Variants in TBC1D32 observed in about 807,000 individuals in gnomAD.
TBC1D32 encodes the protein protein broad-minded.
In TBC1D32, 151 loss-of-function variants were observed where a neutral mutation model predicts 170.3. The ratio of observed to expected loss-of-function variants is 0.89; its 90% CI spans 0.78 to 1.01. The LOEUF (loss-of-function observed/expected upper bound fraction) is 1.01. Ranked by LOEUF, TBC1D32 falls within the 50% of genes least tolerant of loss-of-function variation. The probability of loss-of-function intolerance (pLI) is 0.00; values close to 1 mark genes in which losing one functional copy is unlikely to be tolerated. For synonymous variants in TBC1D32, 498 were observed against 488.0 expected (o/e 1.02, Z -0.27); for missense variants, 1,464 against 1,457.1 (o/e 1.00, Z -0.08).
intron 5 of TBC1D32, among the ~76,000 whole-genome samples, 166 bp downstream of exon 5, chr6:121,307,810 C>T (rs116432565): frequency 0.033 from 4,991 of 151,822 alleles, 196 homozygotes; most frequent in East Asian, 0.12. Flanking sequence ...TAAAGTGAGC[C>T]AAGGTAGTAC....
chr6:121,132,368 T>C (rs1022160529), intron 24 of TBC1D32, among the ~76,000 whole-genome samples: 2 of 151,978 alleles, frequency 1.3e-5, no homozygotes, highest in African/African-American at 4.8e-5. Flanking sequence ...ACACTCTCTA[T>C]ACTAGAAGAA....
intron 21 of TBC1D32, among the ~76,000 whole-genome samples, chr6:121,214,033 G>T (rs1309255636): frequency 6.6e-6 from 1 of 152,160 alleles, no homozygotes; most frequent in Non-Finnish European, 1.5e-5. Flanking sequence ...AAGCAATGAG[G>T]AAAGAACTCC....
At chr6:121,318,326 G>C (rs17083405) in intron 2 of TBC1D32, among the ~76,000 whole-genome samples, 7,870 of 152,106 alleles carry the variant, frequency 0.052, 403 homozygotes, top group East Asian at 0.12. Flanking sequence ...ATCTCAAAAA[G>C]AACTGGTATC....
chr6:121,145,220 A>G (rs1325418104), intron 24 of TBC1D32, among the ~76,000 whole-genome samples: 2 of 152,202 alleles, frequency 1.3e-5, no homozygotes, highest in Middle Eastern at 6.3e-3. Context: ...GCTTGTTGGC[A>G]TATCAAAAAG....
At chr6:121,255,528 T>TATAATTATATTTTATA (rs1583421638) in intron 16 of TBC1D32, 118 bp from the exon 17 acceptor site, 67 of 247,644 alleles carry the variant, frequency 2.7e-4, no homozygotes, top group East Asian at 9.8e-4. Flanking sequence ...ATTTTATATT[T>TATAATTATATTTTATA]CTTACTGATA....
intron 20 of TBC1D32, among the ~76,000 whole-genome samples, chr6:121,235,522 A>G (rs1294060371): frequency 6.6e-6 from 1 of 152,132 alleles, no homozygotes; most frequent in African/African-American, 2.4e-5. Flanking sequence ...ATCACCAGGC[A>G]AGTGAGGAAA....
intron 22 of TBC1D32, among the ~76,000 whole-genome samples, chr6:121,187,238 C>A (rs1255405530): frequency 1.3e-5 from 2 of 152,006 alleles, no homozygotes; most frequent in Non-Finnish European, 2.9e-5. Flanking sequence ...AAGGCAAAAC[C>A]CTCCAATGTT....
In TBC1D32 at chr6:121,106,136, A is replaced by G. The variant is rs2128191265; in HGVS notation, c.3352T>C (p.Ser1118Pro). ...SSYLPNDTVE[S>P]GIHPVYFCST... ...CAAAAATATACTGGATGGATGCCAG[A>G]TTCTACAGTGTCATTAGGAAGGTAA... Residue 1118 changes from serine to proline, a missense_variant, in exon 30 of 32, where the codon TCT becomes CCT. Ser to Pro is a moderately conservative substitution (Grantham distance 74). Around this residue, in one of 3 missense-constraint regions of TBC1D32, gnomAD observed 1,363 missense variants for 1,338.1 expected, o/e 1.02. Transcript: ENST00000398212. The G allele has an allele frequency of 6.3e-7, 1 of 1,579,910 alleles. No individual in the cohort carries two copies. The highest frequency in any genetic ancestry group is 1.3e-5 in the African/African-American group (1 of 74,600).
At chr6:121,261,357 A>C (rs1341623570) in intron 15 of TBC1D32, among the ~76,000 whole-genome samples, 1 of 152,196 alleles carries the variant, frequency 6.6e-6, no homozygotes, top group Non-Finnish European at 1.5e-5. Context: ...CACCCTACAC[A>C]GGAGCGTTCC....
intron 10 of TBC1D32, among the ~76,000 whole-genome samples, chr6:121,295,973 T>C (rs1805568084): frequency 6.6e-6 from 1 of 152,146 alleles, no homozygotes; most frequent in South Asian, 2.1e-4. Context: ...ATGTGGTTTA[T>C]GAGGAATACC....
At chr6:121,190,078 ACACACACACACACACACACAC>A (rs1789758264) in intron 22 of TBC1D32, among the ~76,000 whole-genome samples, 3 of 28,172 alleles carry the variant, frequency 1.1e-4, no homozygotes, top group African/African-American at 2.8e-4. Flanking sequence ...ATACAGACAC[ACACACACACACACACACACAC>A]ACACACACAC....
intron 21 of TBC1D32, among the ~76,000 whole-genome samples, chr6:121,207,662 T>C (rs1792452765): frequency 6.6e-6 from 1 of 152,096 alleles, no homozygotes; most frequent in Admixed American, 6.5e-5. Flanking sequence ...AGCAACAAAC[T>C]AGTGCAAGAA....
intron 21 of TBC1D32, among the ~76,000 whole-genome samples, chr6:121,214,152 C>T (rs1425420597): frequency 2.6e-5 from 4 of 152,182 alleles, no homozygotes. Flanking sequence ...GGATTAAAGA[C>T]TTAAATGTAA....
intron 17 of TBC1D32, among the ~76,000 whole-genome samples, chr6:121,253,331 G>A (rs1368203224): frequency 6.6e-6 from 1 of 151,634 alleles, no homozygotes; most frequent in Non-Finnish European, 1.5e-5. Context: ...CGTACAAACA[G>A]CCAACGAGCA....
chr6:121,255,042 T>C (rs1167137896), intron 17 of TBC1D32, among the ~76,000 whole-genome samples: 2 of 152,150 alleles, frequency 1.3e-5, no homozygotes, highest in Non-Finnish European at 2.9e-5. Flanking sequence ...CCAACTTTGG[T>C]ATTTGGTAAT....
chr6:121,159,439 G>T (rs1207653434), intron 24 of TBC1D32, among the ~76,000 whole-genome samples: 5 of 152,006 alleles, frequency 3.3e-5, no homozygotes, highest in African/African-American at 1.2e-4. Context: ...GTTGCTACTG[G>T]ACAGATCAGC....
intron 30 of TBC1D32, among the ~76,000 whole-genome samples, chr6:121,101,350 CA>C (rs1305600403): frequency 9.2e-5 from 14 of 152,144 alleles, no homozygotes; most frequent in African/African-American, 3.4e-4. Flanking sequence ...AAAATACTGG[CA>C]AACCAAATCC....
intron 31 of TBC1D32, among the ~76,000 whole-genome samples, chr6:121,090,184 G>A (rs948223678): frequency 6.6e-6 from 1 of 151,984 alleles, no homozygotes; most frequent in South Asian, 2.1e-4. Context: ...CGCCCGTCTC[G>A]GCCTCCCAAA....
intron 15 of TBC1D32, among the ~76,000 whole-genome samples, chr6:121,270,180 C>A (rs567374739): frequency 2.0e-4 from 31 of 152,080 alleles, no homozygotes; most frequent in African/African-American, 7.2e-4. Context: ...AAAATTGACA[C>A]CCTAACATCA....
Sources: allele counts gnomAD v4.1 joint callset (sites outside exome capture counted in the v4.1 genomes callset), GRCh38; gene constraint gnomAD v4.1.1; regional missense constraint gnomAD v4.1.1; transcripts MANE v1.5; gene names NCBI Gene and HGNC (gene_info 2026-07-23, HGNC 2026-07-21).